FAT3: variants seen among roughly 807,000 people sequenced by gnomAD.
FAT3 encodes the protein FAT atypical cadherin 3, also known as protocadherin Fat 3.
In FAT3, 95 loss-of-function variants were observed where a neutral mutation model predicts 310.2. That is an observed-to-expected ratio of 0.31 (90% CI 0.26 to 0.36). FAT3 has a LOEUF of 0.36. Ranked by LOEUF, FAT3 falls within the 10% of genes least tolerant of loss-of-function variation. The pLI, the probability that FAT3 is intolerant of heterozygous loss-of-function variation, is 1.00. For synonymous variants in FAT3, 2,314 were observed against 2,192.9 expected (o/e 1.06, Z -1.54); for missense variants, 5,408 against 5,715.6 (o/e 0.95, Z 1.74).
At chr11:92,691,522 A>C (rs1943798873) in intron 3 of FAT3, among the ~76,000 whole-genome samples, 1 of 152,066 alleles carries the variant, frequency 6.6e-6, no homozygotes, top group Non-Finnish European at 1.5e-5. Flanking sequence ...CAGCCTCCCA[A>C]GTAGCTGGAA....
chr11:92,449,074 G>A (rs1951288657), intron 2 of FAT3, among the ~76,000 whole-genome samples: 1 of 152,070 alleles, frequency 6.6e-6, no homozygotes, highest in Non-Finnish European at 1.5e-5. Flanking sequence ...CTAAGAAGTT[G>A]CAGATGCCTT....
At chr11:92,885,188 A>G (rs1173224018) in intron 24 of FAT3, among the ~76,000 whole-genome samples, 1 of 152,224 alleles carries the variant, frequency 6.6e-6, no homozygotes, top group African/African-American at 2.4e-5. Flanking sequence ...GTTGAGAACC[A>G]AGAGGTTTGA....
At chr11:92,669,241 G>T (rs1943053710) in intron 3 of FAT3, among the ~76,000 whole-genome samples, 1 of 152,102 alleles carries the variant, frequency 6.6e-6, no homozygotes, top group African/African-American at 2.4e-5. Flanking sequence ...ACCCTTGAAG[G>T]CTTGGGCTTG....
intron 1 of FAT3, among the ~76,000 whole-genome samples, chr11:92,253,930 T>G (rs769470557): frequency 6.6e-6 from 1 of 152,206 alleles, no homozygotes; most frequent in Non-Finnish European, 1.5e-5. Flanking sequence ...TTTGATTCAC[T>G]TGGATGTGGA....
At chr11:92,263,778 G>C (rs1356721317) in intron 1 of FAT3, among the ~76,000 whole-genome samples, 2 of 151,982 alleles carry the variant, frequency 1.3e-5, no homozygotes, top group Admixed American at 6.6e-5. Context: ...GTCCTACTTT[G>C]TGTTGCTTTT....
intron 2 of FAT3, among the ~76,000 whole-genome samples, chr11:92,404,336 C>T (rs1950092021): frequency 6.6e-6 from 1 of 151,984 alleles, no homozygotes; most frequent in South Asian, 2.1e-4. Context: ...ATGCTGGGTA[C>T]AGGATAGCCA....
rs777574389 is a variant in FAT3, at chr11:92,353,899, A to G, written c.1787A>G (p.His596Arg). 10 of 1,612,538 alleles carry G rather than the reference A, an allele frequency of 6.2e-6. No homozygotes were observed. The Admixed American group carries it at 1.0e-4, about 16-fold the overall frequency. ...TCATATGACTTTCCAGTTGGTGGTC[A>G]CATCACAGCAGTCTCAGCGATCGAT... is the stretch of plus-strand genomic sequence containing the variant. Reference protein sequence around the residue: ...VISYDFPVGGHITAVSAIDID... With the variant: ...VISYDFPVGGRITAVSAIDID... Residue 596 changes from histidine (H) to arginine (R), a missense_variant, in exon 2 of 28, where the codon CAC becomes CGC. His to Arg is a conservative substitution (Grantham distance 29, BLOSUM62 0). Coordinates refer to ENST00000525166, the MANE Select transcript of FAT3 (RefSeq NM_001367949.2).
chr11:92,568,777 G>A (rs606841), intron 3 of FAT3, among the ~76,000 whole-genome samples: 55,309 of 151,872 alleles, frequency 0.36, 11,448 homozygotes, highest in Middle Eastern at 0.53. Flanking sequence ...TTTCCAACTC[G>A]TCCTTCAAAA....
chr11:92,856,058 G>A (rs1591819443), intron 19 of FAT3, among the ~76,000 whole-genome samples: 2 of 143,774 alleles, frequency 1.4e-5, no homozygotes, highest in South Asian at 4.4e-4. Flanking sequence ...ATAGCTCACT[G>A]TAACCTCAAA....
chr11:92,789,223 G>A (rs1003631991), intron 7 of FAT3, among the ~76,000 whole-genome samples: 6 of 152,116 alleles, frequency 3.9e-5, no homozygotes, highest in African/African-American at 1.2e-4. Context: ...TTAAAATAAC[G>A]TGGGAATAGG....
intron 7 of FAT3, among the ~76,000 whole-genome samples, chr11:92,789,549 G>A (rs1302580639): frequency 6.6e-6 from 1 of 151,944 alleles, no homozygotes; most frequent in Non-Finnish European, 1.5e-5. Flanking sequence ...TTCCCATTCT[G>A]TCACTGCCTC....
chr11:92,756,597 TA>T (rs1945997201), intron 4 of FAT3, among the ~76,000 whole-genome samples: 1 of 152,208 alleles, frequency 6.6e-6, no homozygotes, highest in Non-Finnish European at 1.5e-5. Flanking sequence ...GACACTCTTG[TA>T]ATCACTGGGA....
chr11:92,434,902 A>C (rs142325005), intron 2 of FAT3, among the ~76,000 whole-genome samples: 2 of 152,304 alleles, frequency 1.3e-5, no homozygotes, highest in African/African-American at 2.4e-5. Flanking sequence ...TGACTCTGTC[A>C]TGCTGAATGT....
chr11:92,792,284 C>G (rs761180497), intron 8 of FAT3, among the ~76,000 whole-genome samples: 14 of 152,190 alleles, frequency 9.2e-5, no homozygotes, highest in Non-Finnish European at 1.8e-4. Flanking sequence ...GCTGAACCAC[C>G]AGTGCAAAGC....
chr11:92,823,341 G>A (rs1250482733), intron 13 of FAT3, among the ~76,000 whole-genome samples: 1 of 152,110 alleles, frequency 6.6e-6, no homozygotes, highest in African/African-American at 2.4e-5. Context: ...GTAGCTTCAT[G>A]CCAAGCCATA....
intron 3 of FAT3, among the ~76,000 whole-genome samples, chr11:92,626,062 T>C (rs1417467974): frequency 6.6e-6 from 1 of 152,172 alleles, no homozygotes; most frequent in East Asian, 1.9e-4. Flanking sequence ...GACATCCTAA[T>C]GGAGGATTAG....
chr11:92,403,881 A>G (rs534200257), intron 2 of FAT3, among the ~76,000 whole-genome samples: 10 of 152,238 alleles, frequency 6.6e-5, no homozygotes, highest in South Asian at 4.1e-4. Context: ...TGAAAAATAC[A>G]AAATATTAGC....
chr11:92,248,708 G>A (rs982979733), intron 1 of FAT3, among the ~76,000 whole-genome samples: 3 of 152,008 alleles, frequency 2.0e-5, no homozygotes, highest in African/African-American at 7.2e-5. Context: ...ACAGTACTTG[G>A]AATTCAAACA....
At chr11:92,282,515 A>G (rs1946454905) in intron 1 of FAT3, among the ~76,000 whole-genome samples, 2 of 152,020 alleles carry the variant, frequency 1.3e-5, no homozygotes, top group Non-Finnish European at 2.9e-5. Flanking sequence ...AAAGTACAAA[A>G]TCAGCTGGGT....
Sources: gnomAD v4.1 joint callset for allele counts (sites outside exome capture counted in the v4.1 genomes callset) on GRCh38, gnomAD v4.1.1 for gene constraint, MANE v1.5 for transcripts, NCBI Gene and HGNC (gene_info 2026-07-23, HGNC 2026-07-21) for gene names.